The following PARP4 variants were observed in gnomAD, a reference collection of about 807,000 sequenced individuals.
PARP4 encodes poly(ADP-ribose) polymerase family member 4.
A neutral mutation model predicts 187.7 loss-of-function variants in PARP4; 120 were observed. The ratio of observed to expected loss-of-function variants is 0.64; its 90% confidence interval spans 0.55 to 0.74. The LOEUF is 0.74. Among genes scored for constraint, PARP4 ranks in the 30% least tolerant of loss-of-function variants. The pLI is 0.00. For synonymous variants in PARP4, 654 were observed against 740.9 expected, an observed-to-expected ratio of 0.88 and a Z score of 1.90; for missense variants, 1,836 against 2,070.5, an observed-to-expected ratio of 0.89 and a Z score of 2.20.
intron 1 of PARP4, among the ~76,000 whole-genome samples, chr13:24,512,411 C>A (rs1566026827): frequency 1.3e-5 from 2 of 152,252 alleles, no homozygotes; most frequent in African/African-American, 4.8e-5. Flanking sequence ...CCGCACCGCA[C>A]GGGGTGCGGA....
intron 6 of PARP4, among the ~76,000 whole-genome samples, chr13:24,496,241 A>G (rs1868947387): frequency 6.6e-6 from 1 of 151,926 alleles, no homozygotes; most frequent in South Asian, 2.1e-4. Context: ...CCAAACAACT[A>G]TATCCTCCAC....
chr13:24,505,441 T>C (rs1869581143), intron 1 of PARP4, among the ~76,000 whole-genome samples: 1 of 152,184 alleles, frequency 6.6e-6, no homozygotes, highest in African/African-American at 2.4e-5. Flanking sequence ...TGGTGTTCCT[T>C]GGACGTTTGC....
At chr13:24,452,261 G>A in intron 24 of PARP4, 145 bp downstream of exon 24, 1 of 643,806 alleles carries the variant, frequency 1.6e-6, no homozygotes, top group Non-Finnish European at 2.6e-6. Context: ...CAGGCAGTCT[G>A]GCTGGGAGCC....
intron 26 of PARP4, 25 bp downstream of exon 26, chr13:24,446,991 A>C (rs763265143): frequency 9.4e-6 from 14 of 1,481,960 alleles, no homozygotes; most frequent in Non-Finnish European, 9.8e-6. Context: ...CTTCCCATAG[A>C]ATAACAAACT....
At chr13:24,443,245 C>A (rs919603526) in intron 28 of PARP4, among the ~76,000 whole-genome samples, 3 of 149,828 alleles carry the variant, frequency 2.0e-5, no homozygotes, top group Non-Finnish European at 4.4e-5. Flanking sequence ...GTCTGCACAG[C>A]ATGGGGGGAG....
chr13:24,475,433 C>A, intron 15 of PARP4, 39 bp downstream of exon 15: 1 of 1,567,018 alleles, frequency 6.4e-7, no homozygotes, highest in Non-Finnish European at 8.8e-7. Context: ...TGGTTTACAT[C>A]CATGTAGTTT....
In PARP4 at chr13:24,505,776, C is replaced by G. The variant is rs538800042; in HGVS notation, c.-1-1999G>C. ...GTCAATTTTTAAAAACAAGGAGTCACGTCTAACAGGCTCCCCGCAAAGTAA... is the reference window on the plus strand; with the variant it reads ...GTCAATTTTTAAAAACAAGGAGTCAGGTCTAACAGGCTCCCCGCAAAGTAA... On this transcript the variant is annotated intron_variant, in intron 1 of 33. Coordinates refer to ENST00000381989, the MANE Select transcript of PARP4 (RefSeq NM_006437.4). 2.6e-5 allele frequency among the ~76,000 whole-genome samples: 4 copies of G among 152,188 alleles called. No homozygotes were observed. The South Asian group carries it at 8.3e-4, about 31-fold the overall frequency.
intron 12 of PARP4, among the ~76,000 whole-genome samples, chr13:24,481,072 C>G (rs953946242): frequency 1.3e-5 from 2 of 152,252 alleles, no homozygotes; most frequent in African/African-American, 2.4e-5. Context: ...AGCCAGTGCT[C>G]ACTTACCATT....
chr13:24,460,676 GTTATTT>G (rs1593615003), intron 17 of PARP4, among the ~76,000 whole-genome samples: 3 of 152,146 alleles, frequency 2.0e-5, no homozygotes, highest in African/African-American at 4.8e-5. Flanking sequence ...AATTTCTCAT[GTTATTT>G]TTATTTTTAT....
intron 21 of PARP4, 129 bp downstream of exon 21, chr13:24,456,212 T>A (rs533704175): frequency 1.5e-6 from 1 of 680,134 alleles, no homozygotes; most frequent in African/African-American, 1.8e-5. Flanking sequence ...AGTTGCAGAA[T>A]CTTGAGATGT....
chr13:24,437,194 T>C (rs1391405849), intron 30 of PARP4, among the ~76,000 whole-genome samples: 3 of 152,184 alleles, frequency 2.0e-5, no homozygotes, highest in African/African-American at 7.2e-5. Context: ...CCATATCTCT[T>C]ATCCTATGCT....
intron 10 of PARP4, among the ~76,000 whole-genome samples, chr13:24,489,171 T>C (rs1207515952): frequency 6.6e-6 from 1 of 151,938 alleles, no homozygotes; most frequent in African/African-American, 2.4e-5. Flanking sequence ...GAACTAGGAG[T>C]GGAATTGCTG....
intron 1 of PARP4, among the ~76,000 whole-genome samples, chr13:24,507,401 T>C (rs1367944684): frequency 6.6e-6 from 1 of 152,180 alleles, no homozygotes; most frequent in Admixed American, 6.5e-5. Context: ...GAGGACACAG[T>C]GCCACTGCCT....
At chr13:24,506,129 C>T (rs1360131099) in intron 1 of PARP4, among the ~76,000 whole-genome samples, 3 of 152,242 alleles carry the variant, frequency 2.0e-5, no homozygotes, top group Middle Eastern at 3.4e-3. Context: ...TTCTTAAAGG[C>T]GGCGCGTCCG....
Position 24,493,597 on chromosome 13 carries a change from T to A in PARP4, c.878A>T (p.Asp293Val). 6.3e-7 allele frequency: 1 copy of A among 1,598,282 alleles called. No homozygotes were observed. Residue 293 changes from aspartate (D) to valine (V), a missense_variant and splice_region_variant, in exon 8 of 34, where the codon GAT (aspartate) becomes GTT (valine). By Grantham distance (152) the Asp-to-Val change is radical (BLOSUM62 -3). This residue lies in a region of PARP4 where 1,147 missense variants were observed against 1,214.2 expected (regional missense o/e 0.94). Coordinates refer to ENST00000381989, the MANE Select transcript of PARP4 (RefSeq NM_006437.4). ...LKPVNRISLN[D>V]VSKAEGILLL... ...TGTTTCAGCGACACACCAACTTACA[T>A]CGTTGAGGCTAATCCTGTTCACTGG...
Position 24,498,094 on chromosome 13 carries a change from G to A in PARP4, c.591+22C>T, listed in dbSNP as rs180705144. ...TGAACAGAGGTCAGTAAACACATAG[G>A]AATCAATATAAACAGCATTACCTCC... On this transcript the variant is annotated intron_variant, in intron 6 of 33. Transcript: ENST00000381989. 312 of 1,493,048 alleles carry A rather than the reference G, an allele frequency of 2.1e-4. No homozygotes were observed. In the African/African-American group the frequency reaches 3.8e-3, roughly 18 times the overall value. The allele number at this position is 1,493,048 out of a possible 1,614,324, so 92.5% of individuals were successfully genotyped here. A position where few individuals can be genotyped will look rare whatever the true frequency, so the allele number is the denominator to read the frequency against.
intron 12 of PARP4, among the ~76,000 whole-genome samples, chr13:24,478,732 C>T (rs1055767601): frequency 2.0e-5 from 3 of 152,142 alleles, no homozygotes; most frequent in Admixed American, 6.5e-5. Context: ...CCATGCCTGG[C>T]CTATTTCGCA....
At chr13:24,509,586 A>G (rs886590045) in intron 1 of PARP4, among the ~76,000 whole-genome samples, 1 of 152,130 alleles carries the variant, frequency 6.6e-6, no homozygotes, top group African/African-American at 2.4e-5. Flanking sequence ...ACCCCAATAC[A>G]TTTTTTAAAT....
At chr13:24,475,130 G>A (rs1206399722) in intron 15 of PARP4, among the ~76,000 whole-genome samples, 1 of 152,142 alleles carries the variant, frequency 6.6e-6, no homozygotes, top group Non-Finnish European at 1.5e-5. Flanking sequence ...CAAAGCCCCT[G>A]TCTTTCACAG....
Sources: allele counts gnomAD v4.1 joint callset (sites outside exome capture counted in the v4.1 genomes callset), GRCh38; gene constraint gnomAD v4.1.1; regional missense constraint gnomAD v4.1.1; transcripts MANE v1.5; gene names NCBI Gene and HGNC (gene_info 2026-07-23, HGNC 2026-07-21).